The following PAFAH1B1 variants were observed in gnomAD, a reference collection of about 807,000 sequenced individuals.
PAFAH1B1 encodes the protein platelet activating factor acetylhydrolase 1b regulatory subunit 1.
PAFAH1B1 carries 2 observed loss-of-function variants against 57.5 expected under a neutral mutation model. That is an observed-to-expected ratio of 0.03 (90% CI 0.01 to 0.11). The LOEUF is 0.11. Among genes scored for constraint, PAFAH1B1 ranks in the 10% least tolerant of loss-of-function variants. The probability of loss-of-function intolerance (pLI) is 1.00; values close to 1 mark genes in which losing one functional copy is unlikely to be tolerated. For synonymous variants in PAFAH1B1, 152 were observed against 169.6 expected (o/e 0.90, Z 0.81); for missense variants, 257 against 512.0 (o/e 0.50, Z 4.81).
intron 10 of PAFAH1B1, among the ~76,000 whole-genome samples, chr17:2,680,633 TCAAA>T (rs1422654569): frequency 1.3e-5 from 2 of 152,216 alleles, no homozygotes; most frequent in African/African-American, 2.4e-5. Context: ...AGTTTGTTTC[TCAAA>T]CAAAATCTTC....
chr17:2,596,986 G>A lies in PAFAH1B1; in HGVS notation c.-191+2980G>A, dbSNP rs112559712. 8.7e-3 allele frequency among the ~76,000 whole-genome samples: 1,317 copies of A among 152,198 alleles called. 11 individuals are homozygous for A. Among genetic ancestry groups the A allele is most frequent in the African/African-American group, 0.029 (1,217 of 41,510 alleles). The stretch of plus-strand genomic sequence containing the variant: ...TGAGACAGGAGAATAGATTGAACCC[G>A]GGAGGCGGAGGTTGCAGTGAGCCGA... On this transcript the variant is annotated intron_variant, in intron 1 of 10. Transcript: ENST00000397195.
chr17:2,624,056 A>G (rs901516670), intron 1 of PAFAH1B1, among the ~76,000 whole-genome samples: 2 of 152,202 alleles, frequency 1.3e-5, no homozygotes, highest in African/African-American at 4.8e-5. Context: ...TCAAGTTCAA[A>G]GTTCCACAAA....
intron 1 of PAFAH1B1, among the ~76,000 whole-genome samples, chr17:2,627,539 G>C (rs2068508229): frequency 6.6e-6 from 1 of 152,080 alleles, no homozygotes; most frequent in Non-Finnish European, 1.5e-5. Flanking sequence ...CTCCAGATTT[G>C]TTCTTTTTGC....
chr17:2,649,963 A>G (rs1362984424), intron 2 of PAFAH1B1, among the ~76,000 whole-genome samples: 1 of 152,234 alleles, frequency 6.6e-6, no homozygotes, highest in African/African-American at 2.4e-5. Context: ...ACAGAATAAC[A>G]GTATAAAGTG....
Position 2,680,856 on chromosome 17 carries a change from A to G in PAFAH1B1, c.1159+536A>G, listed in dbSNP as rs2069373202. The G allele has an allele frequency of 2.2e-5, 4 of 182,830 alleles. No homozygotes were observed. In the South Asian group the frequency reaches 4.3e-4, roughly 19 times the overall value. The allele number at this position is 182,830 out of a possible 1,614,324, so 11.3% of individuals were successfully genotyped here. ...ATACCTGCCTCACAGGATTGGTTCA[A>G]GGATTAGGCACAAATACGGAGCATT... On this transcript the variant is annotated intron_variant, in intron 10 of 10. Coordinates refer to ENST00000397195, the MANE Select transcript of PAFAH1B1 (RefSeq NM_000430.4).
Position 2,681,711 on chromosome 17 carries a change from C to T in PAFAH1B1, c.1160-18C>T. ...GCTTACGTGTGAGTTTTAAATAAACCATTTCTTTTTCTTTCAGATTTCCAC... is the reference window on the plus strand; with the variant it reads ...GCTTACGTGTGAGTTTTAAATAAACTATTTCTTTTTCTTTCAGATTTCCAC... On this transcript the variant is annotated intron_variant, in intron 10 of 10. Coordinates refer to ENST00000397195, the MANE Select transcript of PAFAH1B1 (RefSeq NM_000430.4). 6.2e-7 allele frequency: 1 copy of T among 1,601,008 alleles called. No individual in the cohort carries two copies. The highest frequency in any genetic ancestry group is 8.6e-7 in the Non-Finnish European group (1 of 1,168,702).
chr17:2,645,577 A>AGGG, intron 2 of PAFAH1B1, among the ~76,000 whole-genome samples: 1 of 148,664 alleles, frequency 6.7e-6, no homozygotes, highest in Non-Finnish European at 1.5e-5. Flanking sequence ...TGGGGGACAG[A>AGGG]GGGAGACCCT....
At chr17:2,642,679 G>A (rs1372602792) in intron 2 of PAFAH1B1, among the ~76,000 whole-genome samples, 1 of 152,174 alleles carries the variant, frequency 6.6e-6, no homozygotes, top group African/African-American at 2.4e-5. Context: ...AGACATCCGG[G>A]AAAGGATTGA....
chr17:2,597,403 CTTTTTTTTTTTT>C (rs1187594089), intron 1 of PAFAH1B1, among the ~76,000 whole-genome samples: 2 of 64,392 alleles, frequency 3.1e-5, no homozygotes, highest in Non-Finnish European at 2.8e-5. Context: ...ACATCCGTGT[CTTTTTTTTTTTT>C]TTTTTTTTTT....
chr17:2,610,984 T>C (rs889961751), intron 1 of PAFAH1B1, among the ~76,000 whole-genome samples: 1 of 152,180 alleles, frequency 6.6e-6, no homozygotes, highest in Non-Finnish European at 1.5e-5. Context: ...ACCATTCATA[T>C]GTAGGATTTA....
intron 2 of PAFAH1B1, among the ~76,000 whole-genome samples, chr17:2,661,143 A>G (rs534656768): frequency 9.9e-5 from 15 of 150,986 alleles, no homozygotes; most frequent in Non-Finnish European, 1.9e-4. Context: ...ATGATAGTTT[A>G]TTTTGCTGTG....
Position 2,665,107 on chromosome 17 carries a change from T to C in PAFAH1B1, c.33-265T>C, listed in dbSNP as rs373561442. Among the ~76,000 whole-genome samples the C allele has an allele frequency of 6.2e-4, 95 of 152,234 alleles. 1 individual carries two copies. The South Asian group carries it at 0.019, about 30-fold the overall frequency. The stretch of plus-strand genomic sequence containing the variant: ...AGGTAAGCAACACATTTGAAACTTA[T>C]AAATATGAAGTTTCTCTTCTGATGT... On this transcript the variant is annotated intron_variant, in intron 2 of 10. Transcript: ENST00000397195.
At chr17:2,636,601 G>A (rs2068627459) in intron 1 of PAFAH1B1, among the ~76,000 whole-genome samples, 1 of 152,138 alleles carries the variant, frequency 6.6e-6, no homozygotes, top group Non-Finnish European at 1.5e-5. Flanking sequence ...ATTTCACCGT[G>A]TTGGCCAGGC....
At chr17:2,627,960 A>C (rs1465615022) in intron 1 of PAFAH1B1, among the ~76,000 whole-genome samples, 9 of 152,188 alleles carry the variant, frequency 5.9e-5, no homozygotes, top group Non-Finnish European at 1.5e-5. Context: ...TTCTTTTATC[A>C]GTTCTAGGAG....
At chr17:2,650,920 G>T (rs1439383763) in intron 2 of PAFAH1B1, among the ~76,000 whole-genome samples, 1 of 152,140 alleles carries the variant, frequency 6.6e-6, no homozygotes, top group Non-Finnish European at 1.5e-5. Flanking sequence ...GTCATGTGTT[G>T]CAGAGAAGTG....
At chr17:2,665,563 A>G in intron 3 of PAFAH1B1, 107 bp downstream of exon 3, 2 of 699,356 alleles carry the variant, frequency 2.9e-6, no homozygotes, top group South Asian at 3.3e-5. Context: ...ATTGTGGTCT[A>G]CTTGGTACTG....
chr17:2,651,919 G>A (rs557782897), intron 2 of PAFAH1B1, among the ~76,000 whole-genome samples: 1 of 152,256 alleles, frequency 6.6e-6, no homozygotes, highest in South Asian at 2.1e-4. Context: ...TTTGACAAAT[G>A]CCTAATGTTA....
chr17:2,652,244 A>G (rs566536167), intron 2 of PAFAH1B1, among the ~76,000 whole-genome samples: 3 of 152,010 alleles, frequency 2.0e-5, no homozygotes, highest in South Asian at 2.1e-4. Context: ...CCCCGTCTCT[A>G]CTAAAAATAC....
chr17:2,676,150 G>A (rs1188237271), intron 8 of PAFAH1B1, among the ~76,000 whole-genome samples: 4 of 152,282 alleles, frequency 2.6e-5, no homozygotes, highest in East Asian at 3.9e-4. Context: ...GAGGTGGGCC[G>A]ATCGATCATC....
Sources: gnomAD v4.1 joint callset for allele counts (sites outside exome capture counted in the v4.1 genomes callset) on GRCh38, gnomAD v4.1.1 for gene constraint, MANE v1.5 for transcripts, NCBI Gene and HGNC (gene_info 2026-07-23, HGNC 2026-07-21) for gene names.